The following MS4A8 variants were observed in gnomAD, a reference collection of about 807,000 sequenced individuals.
MS4A8 encodes membrane spanning 4-domains A8, also known as membrane-spanning 4-domains subfamily A member 8.
In MS4A8, 27 loss-of-function variants were observed where a neutral mutation model predicts 23.7. The observed-to-expected ratio is 1.14, with a 90% CI of 0.84 to 1.57. The LOEUF is 1.57. Among genes scored for constraint, MS4A8 ranks in the 40% most tolerant of loss-of-function variants. The probability of loss-of-function intolerance (pLI) is 0.00; values close to 1 mark genes in which losing one functional copy is unlikely to be tolerated. For synonymous variants in MS4A8, 138 were observed against 126.3 expected (o/e 1.09, Z -0.62); for missense variants, 301 against 311.4 (o/e 0.97, Z 0.25).
In MS4A8 at chr11:60,715,630, G is replaced by T; in HGVS notation, c.*216G>T. 4 of 546,672 alleles carry T rather than the reference G, an allele frequency of 7.3e-6. No individual in the cohort carries two copies. The South Asian group carries it at 8.1e-5, about 11-fold the overall frequency. The allele number at this position is 546,672 out of a possible 1,614,324, so 33.9% of individuals were successfully genotyped here. On this transcript the variant is annotated 3_prime_UTR_variant, in exon 7 of 7. Coordinates refer to ENST00000300226, the MANE Select transcript of MS4A8 (RefSeq NM_031457.2). ...ATTTTAAACAGATGTTAACCAAGAG[G>T]GACTCCCTAGGGCACATGCATCAGC...
chr11:60,701,226 G>A, intron 2 of MS4A8, 147 bp downstream of exon 2: 1 of 765,698 alleles, frequency 1.3e-6, no homozygotes, highest in Non-Finnish European at 2.3e-6. Context: ...CTATTAGAAA[G>A]CTCAGCTGCA....
chr11:60,714,767 C>G (rs76278249), intron 5 of MS4A8, among the ~76,000 whole-genome samples: 2 of 152,102 alleles, frequency 1.3e-5, no homozygotes, highest in Non-Finnish European at 2.9e-5. Flanking sequence ...CCAAAGCAAC[C>G]TATCAAGGGG....
At chr11:60,705,291 T>C (rs1017154726) in intron 3 of MS4A8, among the ~76,000 whole-genome samples, 6 of 152,200 alleles carry the variant, frequency 3.9e-5, no homozygotes, top group Admixed American at 1.3e-4. Context: ...AGGCCTACCA[T>C]TGAGCACACA....
intron 5 of MS4A8, among the ~76,000 whole-genome samples, chr11:60,710,638 A>C (rs991906565): frequency 1.3e-5 from 2 of 152,078 alleles, no homozygotes; most frequent in African/African-American, 2.4e-5. Context: ...GGCTCACTGC[A>C]GCTGTTTATA....
chr11:60,700,104 C>G (rs1189597305), intron 1 of MS4A8, among the ~76,000 whole-genome samples: 1 of 152,218 alleles, frequency 6.6e-6, no homozygotes, highest in African/African-American at 2.4e-5. Flanking sequence ...TATTGACATA[C>G]CTGGGACCTT....
intron 2 of MS4A8, chr11:60,701,324 A>C: frequency 1.6e-6 from 1 of 615,302 alleles, no homozygotes; most frequent in East Asian, 3.5e-5. Context: ...AAAAAGCAGC[A>C]CGCTTGAAGG....
intron 4 of MS4A8, 57 bp downstream of exon 4, chr11:60,707,104 A>G: frequency 6.7e-7 from 1 of 1,494,606 alleles, no homozygotes; most frequent in Non-Finnish European, 9.3e-7. Flanking sequence ...ATGGTGTCAC[A>G]AAGGGGAAAA....
At chr11:60,703,335 C>T in intron 2 of MS4A8, 43 bp from the exon 3 acceptor site, 3 of 1,492,284 alleles carry the variant, frequency 2.0e-6, no homozygotes, top group Non-Finnish European at 2.7e-6. Context: ...GAGGCAGGAC[C>T]CAGCCTCAGA....
At chr11:60,705,758 A>G (rs750173398) in intron 3 of MS4A8, among the ~76,000 whole-genome samples, 59 of 152,146 alleles carry the variant, frequency 3.9e-4, no homozygotes, top group Non-Finnish European at 5.9e-5. Flanking sequence ...CGTGGGTGGG[A>G]GGGAGTATGG....
chr11:60,713,993 C>T (rs1211343096), intron 5 of MS4A8, among the ~76,000 whole-genome samples: 2 of 142,580 alleles, frequency 1.4e-5, no homozygotes, highest in East Asian at 2.0e-4. Context: ...GGCGCAATCT[C>T]GGCTCACTGC....
intron 5 of MS4A8, among the ~76,000 whole-genome samples, chr11:60,710,368 C>G (rs550928247): frequency 6.6e-6 from 1 of 152,312 alleles, no homozygotes; most frequent in Non-Finnish European, 1.5e-5. Context: ...ACCTTCTCTA[C>G]TCAGTTTTCC....
intron 1 of MS4A8, among the ~76,000 whole-genome samples, chr11:60,700,383 T>TA (rs1028371591): frequency 1.3e-5 from 2 of 152,026 alleles, no homozygotes; most frequent in African/African-American, 4.8e-5. Context: ...CCATCTCTAC[T>TA]AAAAATACAA....
At chr11:60,712,610 A>C (rs546253349) in intron 5 of MS4A8, 1 of 480,734 alleles carries the variant, frequency 2.1e-6, no homozygotes, top group Admixed American at 6.4e-5. Context: ...CCTGGGCAAC[A>C]TGGCGAAATC....
At chr11:60,710,914 C>A (rs1013654585) in intron 5 of MS4A8, among the ~76,000 whole-genome samples, 1 of 152,172 alleles carries the variant, frequency 6.6e-6, no homozygotes, top group Non-Finnish European at 1.5e-5. Context: ...CTCAGATGTT[C>A]CCACAGCTTC....
At position 60,701,006 on chromosome 11, in the gene MS4A8, A is replaced by T. The variant is rs2088199261; in HGVS notation, c.146A>T (p.Asn49Ile). 1.2e-6 allele frequency: 2 copies of T among 1,614,098 alleles called. No individual in the cohort carries two copies. The highest frequency in any genetic ancestry group is 8.5e-7 in the Non-Finnish European group (1 of 1,180,054). ...SQPQVHLVPGNPPSLVSNVNG... is the reference protein window; with the variant it reads ...SQPQVHLVPGIPPSLVSNVNG... ...CCGCAAGTCCACCTAGTTCCTGGGA[A>T]CCCACCTAGTTTGGTGTCGAATGTG... Residue 49 changes from asparagine to isoleucine, a missense_variant, in exon 2 of 7, where the codon AAC becomes ATC. Asn to Ile is a moderately radical substitution (Grantham distance 149). Coordinates refer to ENST00000300226, the MANE Select transcript of MS4A8 (RefSeq NM_031457.2).
At chr11:60,713,084 C>T (rs868703666) in intron 5 of MS4A8, among the ~76,000 whole-genome samples, 46 of 152,286 alleles carry the variant, frequency 3.0e-4, no homozygotes, top group Middle Eastern at 3.4e-3. Flanking sequence ...GACTGTTCTT[C>T]CCAAGCCAGA....
At chr11:60,706,705 A>G (rs1445357564) in intron 3 of MS4A8, among the ~76,000 whole-genome samples, 2 of 152,258 alleles carry the variant, frequency 1.3e-5, no homozygotes, top group Non-Finnish European at 2.9e-5. Flanking sequence ...AAATTTTTCC[A>G]TTTTGTAGAT....
At chr11:60,704,841 C>T (rs2868225) in intron 3 of MS4A8, among the ~76,000 whole-genome samples, 14 of 47,574 alleles carry the variant, frequency 2.9e-4, no homozygotes, top group African/African-American at 6.5e-4. Flanking sequence ...CACACATACA[C>T]ACACACACAT....
chr11:60,704,851 TACAA>T (rs3044422), intron 3 of MS4A8, among the ~76,000 whole-genome samples: 118,220 of 146,500 alleles, frequency 0.81, 47,866 homozygotes, highest in Non-Finnish European at 0.89. Flanking sequence ...CACACACACA[TACAA>T]ACAAACACAC....
Sources: gnomAD v4.1 joint callset for allele counts (sites outside exome capture counted in the v4.1 genomes callset) on GRCh38, gnomAD v4.1.1 for gene constraint, MANE v1.5 for transcripts, NCBI Gene and HGNC (gene_info 2026-07-23, HGNC 2026-07-21) for gene names.